Variants in YIF1B observed in about 807,000 individuals in gnomAD.
The protein encoded by YIF1B is Yip1 interacting factor homolog B, membrane trafficking protein.
A neutral mutation model predicts 34.6 loss-of-function variants in YIF1B; 24 were observed. The ratio of observed to expected loss-of-function variants is 0.69; its 90% CI spans 0.50 to 0.98. The LOEUF is 0.98. Among genes scored for constraint, YIF1B ranks in the 50% least tolerant of loss-of-function variants. The pLI, the probability that YIF1B is intolerant of heterozygous loss-of-function variation, is 0.00. For synonymous variants in YIF1B, 186 were observed against 184.8 expected (o/e 1.01, Z -0.05); for missense variants, 368 against 429.4 (o/e 0.86, Z 1.26).
At chr19:38,316,982 A>G (rs367940829), upstream of YIF1B, among the ~76,000 whole-genome samples, 21 of 152,190 alleles carry the variant, frequency 1.4e-4, no homozygotes, top group Non-Finnish European at 2.6e-4. Context: ...ATTTAGAGTG[A>G]GAAAAGGAAA....
intron 7 of YIF1B, 128 bp downstream of exon 7, chr19:38,307,300 A>C: frequency 9.5e-7 from 1 of 1,051,812 alleles, no homozygotes; most frequent in Non-Finnish European, 1.4e-6. Flanking sequence ...CCGGGCAGCC[A>C]CTCCAGGGCT....
At chr19:38,315,407 AAC>A (rs1470816832) in intron 1 of YIF1B, 8 of 1,237,704 alleles carry the variant, frequency 6.5e-6, no homozygotes, top group Non-Finnish European at 8.1e-6. Flanking sequence ...GAATAAATGA[AAC>A]ACACAGCACA....
Position 38,304,012 on chromosome 19 carries a change from GC to G in YIF1B, c.*1339del. On this transcript the variant is annotated 3_prime_UTR_variant, in exon 8 of 8. Transcript: ENST00000339413. Reference sequence around the variant, plus strand: ...TAGCTCCCCGAATGCCATCCACAGAGCCCCCCTCAGTCGGCCTCCCCTGAGG... The same window carrying G: ...TAGCTCCCCGAATGCCATCCACAGAGCCCCCTCAGTCGGCCTCCCCTGAGG... The G allele has an allele frequency of 3.4e-6, 2 of 582,060 alleles. No homozygotes were observed. Among genetic ancestry groups the G allele is most frequent in the Non-Finnish European group, 6.1e-6 (2 of 328,582 alleles). The allele number at this position is 582,060 out of a possible 1,614,324, so 36.1% of individuals were successfully genotyped here.
upstream of YIF1B, chr19:38,315,962 CGG>C: frequency 7.2e-7 from 1 of 1,389,732 alleles, no homozygotes; most frequent in African/African-American, 1.5e-5. Flanking sequence ...CGTGCCCGCC[CGG>C]CTCCCGTACC....
chr19:38,309,095 AGGCCCCTCCCACCCTGCTAC>A, intron 3 of YIF1B, 38 bp from the exon 4 acceptor site: 1 of 1,555,680 alleles, frequency 6.4e-7, no homozygotes, highest in Non-Finnish European at 8.7e-7. Flanking sequence ...CCTCAGAGCC[AGGCCCCTCCCACCCTGCTAC>A]AGGCCCTCCT....
upstream of YIF1B, among the ~76,000 whole-genome samples, chr19:38,319,566 G>C (rs573216980): frequency 2.0e-5 from 3 of 152,196 alleles, no homozygotes; most frequent in East Asian, 5.8e-4. Flanking sequence ...TGTGCGCGAT[G>C]GGGGGCGACT....
rs1215545173 is a variant in YIF1B at position 38,305,386 on chromosome 19, A to G, written c.911T>C (p.Leu304Pro). ...TMAVAAAQPM[L>P]MYWLTFHLVR ...CAGGTGGAAGGTGAGCCAGTACATGAGCATAGGCTGCGCCGCCGCCACCGC... is the reference window on the plus strand; with the variant it reads ...CAGGTGGAAGGTGAGCCAGTACATGGGCATAGGCTGCGCCGCCGCCACCGC... The change falls in exon 8 of 8, where the codon CTC (leucine) becomes CCC (proline). Residue 304 changes from leucine to proline, a missense_variant. Leu to Pro is a moderately conservative substitution (Grantham distance 98). Coordinates refer to ENST00000339413, the MANE Select transcript of YIF1B (RefSeq NM_001039672.3). The G allele has an allele frequency of 3.1e-6, 5 of 1,608,844 alleles. No homozygotes were observed. The highest frequency in any genetic ancestry group is 4.2e-6 in the Non-Finnish European group (5 of 1,177,134).
upstream of YIF1B, among the ~76,000 whole-genome samples, chr19:38,319,508 C>A (rs62123475): frequency 2.0e-5 from 3 of 152,210 alleles, no homozygotes; most frequent in Non-Finnish European, 4.4e-5. Context: ...CAGTTTGCCC[C>A]TTGCTCCGTC....
At position 38,309,598 on chromosome 19, in the gene YIF1B, G is replaced by A; in HGVS notation, c.104C>T (p.Pro35Leu). 6.3e-7 allele frequency: 1 copy of A among 1,599,260 alleles called. No homozygotes were observed. The highest frequency in any genetic ancestry group is 8.5e-7 in the Non-Finnish European group (1 of 1,173,530). Residue 35 changes from proline to leucine, a missense_variant, in exon 2 of 8, where the codon CCC becomes CTC. Physicochemically the swap from Pro to Leu is moderately conservative, Grantham distance 98 (BLOSUM62 -3). Coordinates refer to ENST00000339413, the MANE Select transcript of YIF1B (RefSeq NM_001039672.3). Reference protein sequence around the residue: ...IPVSQPGMADPHQLFDDTSSA... With the variant: ...IPVSQPGMADLHQLFDDTSSA... ...ACTTGTGTCATCGAAAAGCTGGTGG[G>A]GGTCGGCCATGCCCGGCTGGGACAC...
upstream of YIF1B, chr19:38,316,014 A>C: frequency 7.5e-7 from 1 of 1,340,080 alleles, no homozygotes; most frequent in Non-Finnish European, 9.5e-7. Flanking sequence ...GGACGTCAGG[A>C]TTGAGGGAAG....
intron 1 of YIF1B, 66 bp downstream of exon 1, chr19:38,315,794 C>A: frequency 6.5e-7 from 1 of 1,540,738 alleles, no homozygotes; most frequent in Non-Finnish European, 8.7e-7. Flanking sequence ...CTGCAGTGAC[C>A]TCGCCAACCG....
rs1027167831 is a variant in YIF1B at position 38,308,918 on chromosome 19, A to ACACCCGCTCCATATAGG, written c.481+44_481+60dup. 3.0e-5 allele frequency: 48 copies of ACACCCGCTCCATATAGG among 1,613,322 alleles called. 1 individual carries two copies. Among genetic ancestry groups the ACACCCGCTCCATATAGG allele is most frequent in the Admixed American group, 1.0e-4 (6 of 59,992 alleles). ...CTGCCCTGGGCCTCCAGGCACCCACACACCCGCTCCATATAGGCCCGGAAG... is the reference window on the plus strand; with the variant it reads ...CTGCCCTGGGCCTCCAGGCACCCACACACCCGCTCCATATAGGCACCCGCTCCATATAGGCCCGGAAG... On this transcript the variant is annotated intron_variant, in intron 4 of 7. Transcript: ENST00000339413.
At chr19:38,315,438 C>G in intron 1 of YIF1B, 2 of 1,311,760 alleles carry the variant, frequency 1.5e-6, no homozygotes, top group Non-Finnish European at 1.9e-6. Context: ...GATGAAGAGA[C>G]AGGAAAAGGG....
intron 1 of YIF1B, among the ~76,000 whole-genome samples, chr19:38,313,100 C>A (rs929734940): frequency 6.6e-6 from 1 of 152,032 alleles, no homozygotes; most frequent in Non-Finnish European, 1.5e-5. Flanking sequence ...TATAGGCGCA[C>A]GCCACCAAGC....
chr19:38,318,467 C>T (rs889495842), upstream of YIF1B, among the ~76,000 whole-genome samples: 3 of 151,804 alleles, frequency 2.0e-5, no homozygotes, highest in Admixed American at 6.6e-5. Context: ...TATTTTTTGT[C>T]GAGATGGGGT....
Position 38,307,488 on chromosome 19 carries a change from G to A in YIF1B, c.729C>T (p.Phe243=), listed in dbSNP as rs146100643. The change falls in exon 7 of 8, where the codon TTC becomes TTT. Residue 243 remains phenylalanine (F), a synonymous_variant. Coordinates refer to ENST00000339413, the MANE Select transcript of YIF1B (RefSeq NM_001039672.3). ...GCACCAGGTAGTAGCCAATCTTCCCGAAGAGCAGGCCCATGAGGACCCCGC... is the reference window on the plus strand; with the variant it reads ...GCACCAGGTAGTAGCCAATCTTCCCAAAGAGCAGGCCCATGAGGACCCCGC... ...MIGGVLMGLL[F]GKIGYYLVLG... is the part of the protein sequence containing the mutation. 80 of 1,613,796 alleles carry A rather than the reference G, an allele frequency of 5.0e-5. No homozygotes were observed. Among genetic ancestry groups the A allele is most frequent in the Middle Eastern group, 4.9e-4 (3 of 6,084 alleles).
At chr19:38,321,573 C>T (rs1339507619), upstream of YIF1B, among the ~76,000 whole-genome samples, 1 of 152,242 alleles carries the variant, frequency 6.6e-6, no homozygotes, top group Non-Finnish European at 1.5e-5. Flanking sequence ...GCTGCTCCCC[C>T]AGCCCCTTCT....
intron 5 of YIF1B, 70 bp downstream of exon 5, chr19:38,308,722 T>C (rs1265047633): frequency 1.3e-6 from 2 of 1,597,750 alleles, no homozygotes; most frequent in Non-Finnish European, 1.7e-6. Flanking sequence ...ACCTTGGAAC[T>C]GAGACCTTCC....
At chr19:38,319,753 G>T (rs1600418695), upstream of YIF1B, 2 of 542,612 alleles carry the variant, frequency 3.7e-6, no homozygotes, top group Non-Finnish European at 3.0e-6. Flanking sequence ...AACACCTGGC[G>T]GTTGGGCGTG....
Sources: allele counts gnomAD v4.1 joint callset (sites outside exome capture counted in the v4.1 genomes callset), GRCh38; gene constraint gnomAD v4.1.1; transcripts MANE v1.5; gene names NCBI Gene and HGNC (gene_info 2026-07-23, HGNC 2026-07-21).